CCNK: variants seen among roughly 807,000 people sequenced by gnomAD.
CCNK encodes the protein cyclin-K.
A neutral mutation model predicts 65.0 loss-of-function variants in CCNK; 9 were observed. The ratio of observed to expected loss-of-function variants is 0.14; its 90% CI spans 0.08 to 0.24. The LOEUF (loss-of-function observed/expected upper bound fraction) is 0.24. Among genes scored for constraint, CCNK ranks in the 10% least tolerant of loss-of-function variants. The probability of loss-of-function intolerance (pLI) is 1.00; values close to 1 mark genes in which losing one functional copy is unlikely to be tolerated. For missense variants in CCNK, 474 were observed against 720.0 expected (o/e 0.66, Z 3.91); for synonymous variants, 279 against 270.8 (o/e 1.03, Z -0.30).
In CCNK at chr14:99,485,339, C is replaced by T. The variant is rs568144872; in HGVS notation, c.-53+3860C>T. 4.6e-5 allele frequency among the ~76,000 whole-genome samples: 7 copies of T among 152,296 alleles called. No homozygotes were observed. In the South Asian group the frequency reaches 1.2e-3, roughly 27 times the overall value. On this transcript the variant is annotated intron_variant, in intron 1 of 10. Coordinates refer to ENST00000389879, the MANE Select transcript of CCNK (RefSeq NM_001099402.2). ...ACTGTTCCCCGTTCTGCCCCTTTCCCCTCAACAGATATCTTGGCATTATAC... is the reference window on the plus strand; with the variant it reads ...ACTGTTCCCCGTTCTGCCCCTTTCCTCTCAACAGATATCTTGGCATTATAC...
intron 1 of CCNK, among the ~76,000 whole-genome samples, chr14:99,490,820 CG>C (rs1896581902): frequency 6.6e-6 from 1 of 151,024 alleles, no homozygotes; most frequent in Non-Finnish European, 1.5e-5. Flanking sequence ...CCCAGCTACT[CG>C]GGAGGCTGAG....
At chr14:99,503,062 A>G (rs1896877044) in intron 8 of CCNK, 78 bp downstream of exon 8, 1 of 1,484,896 alleles carries the variant, frequency 6.7e-7, no homozygotes. Flanking sequence ...TCCCATTTCT[A>G]AGCGAGCACA....
intron 1 of CCNK, among the ~76,000 whole-genome samples, chr14:99,490,876 C>G (rs1202044551): frequency 6.7e-6 from 1 of 149,576 alleles, no homozygotes; most frequent in Non-Finnish European, 1.5e-5. Context: ...TGCAGTGAGC[C>G]GAGATCATGC....
At chr14:99,496,692 G>A (rs1292655753) in intron 4 of CCNK, among the ~76,000 whole-genome samples, 1 of 150,928 alleles carries the variant, frequency 6.6e-6, no homozygotes, top group East Asian at 1.9e-4. Context: ...CCTGGGCGAC[G>A]GAGCAAAACT....
chr14:99,489,306 A>G (rs1896553350), intron 1 of CCNK, among the ~76,000 whole-genome samples: 1 of 151,002 alleles, frequency 6.6e-6, no homozygotes, highest in South Asian at 2.1e-4. Flanking sequence ...CACAACATGC[A>G]AAAAAAAATG....
At position 99,503,435 on chromosome 14, in the gene CCNK, AATG is replaced by A. The variant is rs1312039647; in HGVS notation, c.1012-170_1012-168del. ...TAAATGGAAAGAGGAAGGGAGCAGAAATGATGATCTGGTAGGTGCCGTGGTTTG... is the reference window on the plus strand; with the variant it reads ...TAAATGGAAAGAGGAAGGGAGCAGAAATGATCTGGTAGGTGCCGTGGTTTG... On this transcript the variant is annotated intron_variant, in intron 8 of 10. Transcript: ENST00000389879. 8.1e-6 allele frequency: 5 copies of A among 613,524 alleles called. No homozygotes were observed. The African/African-American group carries it at 9.2e-5, about 11-fold the overall frequency. 38.0% of individuals were successfully genotyped at this position (613,524 alleles called of 1,614,324 possible). A position where few individuals can be genotyped will look rare whatever the true frequency, so the allele number is the denominator to read the frequency against.
rs1212307981 is a variant in CCNK, at chr14:99,510,645, C to T, written c.1606C>T (p.Pro536Ser). The T allele has an allele frequency of 3.5e-6, 5 of 1,417,336 alleles. No individual in the cohort carries two copies. Among genetic ancestry groups the T allele is most frequent in the Non-Finnish European group, 4.6e-6 (5 of 1,086,834 alleles). 87.8% of individuals were successfully genotyped at this position (1,417,336 alleles called of 1,614,324 possible). A position where few individuals can be genotyped will look rare whatever the true frequency, so the allele number is the denominator to read the frequency against. The change falls in exon 11 of 11, where the codon CCA becomes TCA. Residue 536 changes from proline to serine, a missense_variant. Around this residue, in one of 6 missense-constraint regions of CCNK, gnomAD observed 53 missense variants for 91.4 expected, o/e 0.58. Coordinates refer to ENST00000389879, the MANE Select transcript of CCNK (RefSeq NM_001099402.2). Reference sequence around the variant, plus strand: ...CCACGCAGTCCCCCCTCATCCTCCTCCAGGGTTGGGCCTGCCGCCAGCCAG... The same window carrying T: ...CCACGCAGTCCCCCCTCATCCTCCTTCAGGGTTGGGCCTGCCGCCAGCCAG... ...PTHAVPPHPP[P>S]GLGLPPASYP...
At chr14:99,505,486 T>G (rs1307683108) in intron 9 of CCNK, 1 of 143,778 alleles carries the variant, frequency 7.0e-6, no homozygotes, top group East Asian at 2.1e-4. Context: ...TGAAATAAAA[T>G]TTTCGATCTA....
chr14:99,481,633 G>C (rs1375481512), intron 1 of CCNK, 154 bp downstream of exon 1: 2 of 392,002 alleles, frequency 5.1e-6, no homozygotes, highest in Non-Finnish European at 9.0e-6. Flanking sequence ...TGAACTTTGC[G>C]GGCGACGCGG....
rs966604104 is a variant in CCNK, at chr14:99,501,422, G to A, written c.575+9G>A. The stretch of plus-strand genomic sequence containing the variant: ...ACATTTGTAAATGACAGGTATACAT[G>A]TTCAAATGTTGATTAATTACAGTAT... On this transcript the variant is annotated intron_variant, in intron 6 of 10. Transcript: ENST00000389879. 6.4e-7 allele frequency: 1 copy of A among 1,559,062 alleles called. No homozygotes were observed. The highest frequency in any genetic ancestry group is 1.1e-5 in the South Asian group (1 of 89,528).
Position 99,495,536 on chromosome 14 carries a change from A to G in CCNK, c.318A>G (p.Val106=), listed in dbSNP as rs1318398878. Residue 106 remains valine (V), a synonymous_variant, in exon 4 of 11, where the codon GTA becomes GTG. Transcript: ENST00000389879. The part of the protein sequence containing the change: ...GACCLFLAGK[V]EETPKKCKDI... Reference sequence around the variant, plus strand: ...GTTGCCTCTTTCTGGCTGGGAAAGTAGAAGAAACACCAAAAAAATGTAAAG... The same window carrying G: ...GTTGCCTCTTTCTGGCTGGGAAAGTGGAAGAAACACCAAAAAAATGTAAAG... 4 of 1,613,028 alleles carry G rather than the reference A, an allele frequency of 2.5e-6. No individual in the cohort carries two copies. Among genetic ancestry groups the G allele is most frequent in the Non-Finnish European group, 3.4e-6 (4 of 1,179,528 alleles).
intron 10 of CCNK, 66 bp from the exon 11 acceptor site, chr14:99,510,091 C>T: frequency 1.3e-6 from 2 of 1,493,064 alleles, no homozygotes; most frequent in South Asian, 2.6e-5. Flanking sequence ...CCTGAAGGGC[C>T]AGGAGGCACT....
In CCNK at chr14:99,507,114, C is replaced by T. The variant is rs1301552792; in HGVS notation, c.1084C>T (p.His362Tyr). The change falls in exon 10 of 11, where the codon CAT becomes TAT. Residue 362 changes from histidine to tyrosine, a missense_variant. Physicochemically the swap from His to Tyr is moderately conservative, Grantham distance 83. Around this residue, in one of 6 missense-constraint regions of CCNK, gnomAD observed 229 missense variants for 275.5 expected, o/e 0.83. Transcript: ENST00000389879. ...TAAAATCCCCAAAATTGAGACCACT[C>T]ATCCACCGTTGCCTCCAGCCCACCC... ...PPKIPKIETT[H>Y]PPLPPAHPPP... The T allele has an allele frequency of 2.5e-6, 4 of 1,612,566 alleles. No individual in the cohort carries two copies. Among genetic ancestry groups the T allele is most frequent in the African/African-American group, 1.3e-5 (1 of 75,018 alleles).
intron 4 of CCNK, among the ~76,000 whole-genome samples, chr14:99,498,255 G>A (rs1896743213): frequency 6.6e-6 from 1 of 152,226 alleles, no homozygotes. Flanking sequence ...AACAGTGAAA[G>A]TAGAAGTTCT....
rs1292700507 is a variant in CCNK at position 99,481,450 on chromosome 14, C to T, written c.-82C>T. On this transcript the variant is annotated 5_prime_UTR_variant, in exon 1 of 11. It adds an upstream start codon to the 5' untranslated region. Coordinates refer to ENST00000389879, the MANE Select transcript of CCNK (RefSeq NM_001099402.2). ...GATGGCCGCAGTCGGCAAGGAGAGA[C>T]GTCGCTGAGGGGCTTGCCTGAAGCG... The T allele has an allele frequency of 1.0e-5, 4 of 398,624 alleles. No homozygotes were observed. The highest frequency in any genetic ancestry group is 1.3e-4 in the South Asian group (1 of 7,870). 24.7% of individuals were successfully genotyped at this position (398,624 alleles called of 1,614,324 possible).
rs1452085418 is a variant in CCNK at position 99,512,269 on chromosome 14, C to T, written c.*1487C>T. On this transcript the variant is annotated 3_prime_UTR_variant, in exon 11 of 11. Coordinates refer to ENST00000389879, the MANE Select transcript of CCNK (RefSeq NM_001099402.2). ...AGGGCAGGAAGGGGTGGCTCCAGGTCTCACTGTGGCACCTTCTACAGAAAA... is the reference window on the plus strand; with the variant it reads ...AGGGCAGGAAGGGGTGGCTCCAGGTTTCACTGTGGCACCTTCTACAGAAAA... The T allele has an allele frequency of 6.6e-6, 1 of 152,092 alleles. No homozygotes were observed. The highest frequency in any genetic ancestry group is 1.5e-5 in the Non-Finnish European group (1 of 68,012). 9.4% of individuals were successfully genotyped at this position (152,092 alleles called of 1,614,324 possible).
chr14:99,506,688 A>G (rs1222011873), intron 9 of CCNK: 4 of 193,662 alleles, frequency 2.1e-5, no homozygotes, highest in East Asian at 1.4e-4. Flanking sequence ...ACTCAGTGAC[A>G]TGATGTTGCT....
At chr14:99,492,917 A>C (rs1317602129) in intron 2 of CCNK, 43 bp downstream of exon 2, 1 of 1,448,050 alleles carries the variant, frequency 6.9e-7, no homozygotes, top group South Asian at 1.4e-5. Flanking sequence ...TAGGCTCCCC[A>C]CTCACCACCA....
chr14:99,493,421 T>G, intron 2 of CCNK, 93 bp from the exon 3 acceptor site: 1 of 708,498 alleles, frequency 1.4e-6, no homozygotes, highest in Non-Finnish European at 2.4e-6. Context: ...ACCATTGATT[T>G]TGTTGTTGTT....
Sources: allele counts gnomAD v4.1 joint callset (sites outside exome capture counted in the v4.1 genomes callset), GRCh38; gene constraint gnomAD v4.1.1; regional missense constraint gnomAD v4.1.1; transcripts MANE v1.5; gene names NCBI Gene and HGNC (gene_info 2026-07-23, HGNC 2026-07-21).